Variants in RSRC1 observed in about 807,000 individuals in gnomAD.
The protein encoded by RSRC1 is arginine and serine rich coiled-coil 1, also known as serine/Arginine-related protein 53.
In RSRC1, 39 loss-of-function variants were observed where a neutral mutation model predicts 49.1. The ratio of observed to expected loss-of-function variants is 0.79; its 90% CI spans 0.61 to 1.04. The LOEUF is 1.04. Among genes scored for constraint, RSRC1 ranks in the 50% least tolerant of loss-of-function variants. The probability of loss-of-function intolerance (pLI) is 0.00; values close to 1 mark genes in which losing one functional copy is unlikely to be tolerated. For missense variants in RSRC1, 388 were observed against 402.4 expected (o/e 0.96, Z 0.31); for synonymous variants, 143 against 130.8 (o/e 1.09, Z -0.63).
chr3:158,137,701 T>G (rs1716474346), intron 3 of RSRC1, among the ~76,000 whole-genome samples: 2 of 150,232 alleles, frequency 1.3e-5, no homozygotes, highest in South Asian at 4.2e-4. Flanking sequence ...TCGCCCAGGC[T>G]GGAGTGCAGT....
chr3:158,337,088 T>C (rs754617611), intron 5 of RSRC1, among the ~76,000 whole-genome samples: 20 of 152,072 alleles, frequency 1.3e-4, no homozygotes, highest in Non-Finnish European at 2.8e-4. Context: ...GTCTAAACAG[T>C]CTCCCTGGCC....
intron 3 of RSRC1, among the ~76,000 whole-genome samples, chr3:158,188,899 G>A (rs976883443): frequency 1.1e-4 from 16 of 151,558 alleles, no homozygotes; most frequent in Non-Finnish European, 1.8e-4. Flanking sequence ...CTTTGAGATG[G>A]ATGCTTAGAT....
intron 3 of RSRC1, among the ~76,000 whole-genome samples, chr3:158,133,944 G>A (rs568446257): frequency 6.6e-6 from 1 of 152,148 alleles, no homozygotes; most frequent in African/African-American, 2.4e-5. Flanking sequence ...CCAGAAAGAC[G>A]GCGGCTGATA....
At chr3:158,478,092 A>C (rs1236658775) in intron 7 of RSRC1, among the ~76,000 whole-genome samples, 4 of 151,642 alleles carry the variant, frequency 2.6e-5, no homozygotes, top group Non-Finnish European at 5.9e-5. Context: ...ATAAAATGCA[A>C]ATATTATAAT....
intron 6 of RSRC1, among the ~76,000 whole-genome samples, chr3:158,402,268 C>T (rs1733930634): frequency 1.3e-5 from 2 of 151,750 alleles, no homozygotes; most frequent in South Asian, 4.1e-4. Context: ...TTTTTTCCCC[C>T]TTTCTACTAC....
At chr3:158,150,993 A>G (rs1247840600) in intron 3 of RSRC1, among the ~76,000 whole-genome samples, 1 of 152,200 alleles carries the variant, frequency 6.6e-6, no homozygotes, top group Non-Finnish European at 1.5e-5. Context: ...TAACTAAATT[A>G]TATATTCCCT....
rs545825316 is a variant in RSRC1, at chr3:158,122,144, A to G, written c.40A>G (p.Ser14Gly). The G allele has an allele frequency of 1.8e-5, 28 of 1,566,728 alleles. No homozygotes were observed. In the South Asian group the frequency reaches 3.0e-4, roughly 17 times the overall value. ...RSSDTEEESR[S>G]KRKKKHRRRS... Reference sequence around the variant, plus strand: ...ATCAGATACTGAAGAAGAAAGCAGAAGCAAGAGAAAAAAGAAACACCGTAG... The same window carrying G: ...ATCAGATACTGAAGAAGAAAGCAGAGGCAAGAGAAAAAAGAAACACCGTAG... The change falls in exon 2 of 10, where the codon AGC becomes GGC. Residue 14 changes from serine (S) to glycine (G), a missense_variant. Transcript: ENST00000611884.
At chr3:158,423,684 C>T (rs1254728983) in intron 6 of RSRC1, among the ~76,000 whole-genome samples, 8 of 152,084 alleles carry the variant, frequency 5.3e-5, no homozygotes, top group African/African-American at 1.4e-4. Context: ...GCCATTTTCA[C>T]GATATTGATT....
chr3:158,119,207 C>CTCTG (rs1340351639), intron 1 of RSRC1, among the ~76,000 whole-genome samples: 1 of 152,090 alleles, frequency 6.6e-6, no homozygotes, highest in African/African-American at 2.4e-5. Context: ...ATTGTGCCTG[C>CTCTG]TCTGGTATCT....
chr3:158,293,882 G>A (rs149225100), intron 4 of RSRC1, among the ~76,000 whole-genome samples: 10 of 152,012 alleles, frequency 6.6e-5, no homozygotes, highest in Non-Finnish European at 1.2e-4. Context: ...CTTTAGTGTC[G>A]GGAAATCTAA....
chr3:158,133,345 A>G (rs1716160153), intron 3 of RSRC1, among the ~76,000 whole-genome samples: 1 of 152,224 alleles, frequency 6.6e-6, no homozygotes, highest in East Asian at 1.9e-4. Context: ...CTTAGAGAGC[A>G]ATTATTTATT....
intron 3 of RSRC1, among the ~76,000 whole-genome samples, chr3:158,188,242 G>C (rs1470530963): frequency 1.3e-5 from 2 of 151,904 alleles, no homozygotes; most frequent in East Asian, 3.9e-4. Flanking sequence ...TATTTCCCTG[G>C]TTCCATGGAA....
chr3:158,134,245 A>G (rs573299283), intron 3 of RSRC1, among the ~76,000 whole-genome samples: 1 of 151,676 alleles, frequency 6.6e-6, no homozygotes, highest in South Asian at 2.1e-4. Context: ...AGACTCTTTA[A>G]TGATTATTTA....
chr3:158,413,449 A>T (rs1002466396), intron 6 of RSRC1, among the ~76,000 whole-genome samples: 1 of 152,188 alleles, frequency 6.6e-6, no homozygotes, highest in Non-Finnish European at 1.5e-5. Flanking sequence ...TATGACAAAA[A>T]TGTCAAAAGC....
intron 5 of RSRC1, among the ~76,000 whole-genome samples, chr3:158,321,756 C>G (rs1728774768): frequency 6.6e-6 from 1 of 151,710 alleles, no homozygotes; most frequent in African/African-American, 2.4e-5. Context: ...AGGAGTTGCT[C>G]TAGGAATTAT....
intron 5 of RSRC1, among the ~76,000 whole-genome samples, chr3:158,320,064 T>C (rs1728676450): frequency 6.6e-6 from 1 of 152,194 alleles, no homozygotes; most frequent in Non-Finnish European, 1.5e-5. Context: ...AATAATTATT[T>C]CTTTCCTCTT....
At chr3:158,499,362 G>A (rs1739492277) in intron 7 of RSRC1, among the ~76,000 whole-genome samples, 2 of 151,994 alleles carry the variant, frequency 1.3e-5, no homozygotes, top group South Asian at 2.1e-4. Flanking sequence ...GGGTGACAGA[G>A]CGAGACTGTC....
intron 4 of RSRC1, among the ~76,000 whole-genome samples, chr3:158,256,409 C>G (rs1724563173): frequency 6.6e-6 from 1 of 152,104 alleles, no homozygotes; most frequent in South Asian, 2.1e-4. Flanking sequence ...AGAGATGAAG[C>G]CTACTTGATC....
At chr3:158,516,694 C>G (rs556233124) in intron 7 of RSRC1, among the ~76,000 whole-genome samples, 30 of 152,344 alleles carry the variant, frequency 2.0e-4, no homozygotes, top group African/African-American at 6.5e-4. Flanking sequence ...CCTTCCCCAG[C>G]CTCGTTGCCG....
Sources: allele counts gnomAD v4.1 joint callset (sites outside exome capture counted in the v4.1 genomes callset), GRCh38; gene constraint gnomAD v4.1.1; transcripts MANE v1.5; gene names NCBI Gene and HGNC (gene_info 2026-07-23, HGNC 2026-07-21).